DACH1: variants seen among roughly 807,000 people sequenced by gnomAD.
DACH1 encodes dachshund family transcription factor 1, also known as dachshund homolog 1.
A neutral mutation model predicts 54.2 loss-of-function variants in DACH1; 12 were observed. That is an observed-to-expected ratio of 0.22 (90% CI 0.14 to 0.36). The LOEUF (loss-of-function observed/expected upper bound fraction) is 0.36. DACH1 is among the 10% of genes least tolerant of loss of function. The pLI, the probability that DACH1 is intolerant of heterozygous loss-of-function variation, is 1.00. For synonymous variants in DACH1, 386 were observed against 366.2 expected, an observed-to-expected ratio of 1.05 and a Z score of -0.62; for missense variants, 805 against 929.8, an observed-to-expected ratio of 0.87 and a Z score of 1.75.
chr13:71,628,692 G>A (rs1012456206), intron 3 of DACH1, among the ~76,000 whole-genome samples: 4 of 152,028 alleles, frequency 2.6e-5, no homozygotes, highest in Admixed American at 6.6e-5. Flanking sequence ...AAGTCATTGC[G>A]ATAGGCTACG....
intron 6 of DACH1, among the ~76,000 whole-genome samples, chr13:71,516,339 T>C (rs1016150970): frequency 2.0e-5 from 3 of 151,126 alleles, no homozygotes; most frequent in Non-Finnish European, 4.4e-5. Context: ...TATCTTTCCT[T>C]TTATTTTTTT....
intron 10 of DACH1, among the ~76,000 whole-genome samples, chr13:71,461,042 C>T (rs1876026704): frequency 6.6e-6 from 1 of 151,940 alleles, no homozygotes; most frequent in South Asian, 2.1e-4. Context: ...GAAATACAAG[C>T]CTATTAGCTA....
chr13:71,843,735 A>G (rs995592367), intron 1 of DACH1, among the ~76,000 whole-genome samples: 5 of 152,134 alleles, frequency 3.3e-5, no homozygotes, highest in Non-Finnish European at 5.9e-5. Context: ...TTCCCTTCAA[A>G]TATATTATAT....
At chr13:71,535,330 G>A (rs1305473956) in intron 6 of DACH1, among the ~76,000 whole-genome samples, 2 of 151,744 alleles carry the variant, frequency 1.3e-5, no homozygotes, top group Non-Finnish European at 2.9e-5. Flanking sequence ...AATTTAAAAT[G>A]TTCAACTGGC....
chr13:71,458,276 ATATT>A (rs1420563268), intron 10 of DACH1, among the ~76,000 whole-genome samples: 2 of 152,002 alleles, frequency 1.3e-5, no homozygotes, highest in African/African-American at 4.8e-5. Context: ...AGAAACAATC[ATATT>A]TATTTATTTC....
intron 10 of DACH1, among the ~76,000 whole-genome samples, chr13:71,460,556 T>C (rs2138138243): frequency 6.6e-6 from 1 of 152,120 alleles, no homozygotes; most frequent in East Asian, 1.9e-4. Context: ...TCCTGTGCCC[T>C]TGATTTGGGC....
chr13:71,759,469 TTTAAATA>T (rs1277958723), intron 1 of DACH1, among the ~76,000 whole-genome samples: 1 of 152,196 alleles, frequency 6.6e-6, no homozygotes, highest in African/African-American at 2.4e-5. Context: ...AGCAAATATT[TTTAAATA>T]TTAAAGTAAA....
chr13:71,862,675 C>G (rs936018780), intron 1 of DACH1, among the ~76,000 whole-genome samples: 7 of 151,996 alleles, frequency 4.6e-5, no homozygotes, highest in African/African-American at 1.7e-4. Context: ...AGATAACATA[C>G]TAATGCAATA....
intron 3 of DACH1, among the ~76,000 whole-genome samples, chr13:71,582,328 T>C (rs931857816): frequency 2.0e-5 from 3 of 152,152 alleles, no homozygotes; most frequent in Non-Finnish European, 4.4e-5. Flanking sequence ...AATATTCTTT[T>C]TAATAAGATA....
intron 1 of DACH1, among the ~76,000 whole-genome samples, chr13:71,696,122 G>C (rs933232237): frequency 6.6e-6 from 1 of 152,092 alleles, no homozygotes. Flanking sequence ...TCATTGCCTG[G>C]GTGACGGGGT....
intron 1 of DACH1, among the ~76,000 whole-genome samples, chr13:71,783,973 A>AC (rs1462786915): frequency 6.6e-6 from 1 of 150,686 alleles, no homozygotes; most frequent in African/African-American, 2.4e-5. Context: ...TTAAAAAAAA[A>AC]AAAAAAACAA....
chr13:71,447,849 A>G (rs893765661), intron 10 of DACH1, among the ~76,000 whole-genome samples: 2 of 152,070 alleles, frequency 1.3e-5, no homozygotes, highest in African/African-American at 4.8e-5. Context: ...ATGTGACAAG[A>G]TTTTATATAA....
At chr13:71,683,583 T>C (rs1292709898) in intron 1 of DACH1, among the ~76,000 whole-genome samples, 1 of 152,114 alleles carries the variant, frequency 6.6e-6, no homozygotes, top group Non-Finnish European at 1.5e-5. Context: ...CGAGCAAGAC[T>C]GTTTGCTTGT....
chr13:71,556,295 A>G (rs1014572254), intron 6 of DACH1, among the ~76,000 whole-genome samples: 1 of 152,130 alleles, frequency 6.6e-6, no homozygotes, highest in African/African-American at 2.4e-5. Flanking sequence ...TCCTATCTAT[A>G]TTTATAAAGT....
At chr13:71,501,371 G>A (rs1167742925) in intron 6 of DACH1, among the ~76,000 whole-genome samples, 1 of 152,098 alleles carries the variant, frequency 6.6e-6, no homozygotes, top group African/African-American at 2.4e-5. Context: ...TAAATGTTAA[G>A]AGATTTTAGG....
At chr13:71,536,270 A>C (rs1036858229) in intron 6 of DACH1, among the ~76,000 whole-genome samples, 3 of 152,168 alleles carry the variant, frequency 2.0e-5, no homozygotes, top group Non-Finnish European at 4.4e-5. Flanking sequence ...ATTGCTTTCA[A>C]AAAGTTTTAT....
At chr13:71,475,074 G>T in intron 10 of DACH1, 67 bp downstream of exon 10, 2 of 1,410,518 alleles carry the variant, frequency 1.4e-6, no homozygotes, top group Non-Finnish European at 2.0e-6. Context: ...TGCTTGAATA[G>T]CAGGCTAAAG....
chr13:71,840,108 A>T (rs1888958043), intron 1 of DACH1, among the ~76,000 whole-genome samples: 1 of 151,890 alleles, frequency 6.6e-6, no homozygotes. Flanking sequence ...CACCACACCC[A>T]GCTAAGTTTT....
At chr13:71,827,169 T>A (rs1311775813) in intron 1 of DACH1, among the ~76,000 whole-genome samples, 1 of 152,042 alleles carries the variant, frequency 6.6e-6, no homozygotes, top group Non-Finnish European at 1.5e-5. Flanking sequence ...AACTCCAGCA[T>A]GCAAATCCAT....
Sources: allele counts gnomAD v4.1 joint callset (sites outside exome capture counted in the v4.1 genomes callset), GRCh38; gene constraint gnomAD v4.1.1; transcripts MANE v1.5; gene names NCBI Gene and HGNC (gene_info 2026-07-23, HGNC 2026-07-21).